Variants in ATG4A observed in about 807,000 individuals in gnomAD.
ATG4A encodes the protein cysteine protease ATG4A.
Under a neutral mutation model 38.4 loss-of-function variants are expected in ATG4A, and 22 were observed. The ratio of observed to expected loss-of-function variants is 0.57; its 90% CI spans 0.41 to 0.82. ATG4A has a LOEUF of 0.82. Ranked by LOEUF, ATG4A falls within the 40% of genes least tolerant of loss-of-function variation. The probability of loss-of-function intolerance (pLI) is 0.00; values close to 1 mark genes in which losing one functional copy is unlikely to be tolerated. For synonymous variants in ATG4A, 86 were observed against 100.7 expected (o/e 0.85, Z 0.88); for missense variants, 220 against 290.0 (o/e 0.76, Z 1.75).
chrX:108,135,389 C>T (rs1256689901), intron 6 of ATG4A, among the ~76,000 whole-genome samples: 3 of 112,234 alleles, frequency 2.7e-5, no homozygotes, highest in African/African-American at 9.7e-5. Context: ...GAACCTGTTC[C>T]ATGCAAAGTA....
intron 1 of ATG4A, among the ~76,000 whole-genome samples, chrX:108,100,093 T>A (rs536220947): frequency 4.4e-4 from 49 of 111,794 alleles, no homozygotes; most frequent in African/African-American, 1.5e-3. Context: ...ATGAGCACCA[T>A]ATGTCTCTCC....
intron 4 of ATG4A, among the ~76,000 whole-genome samples, chrX:108,133,337 T>G (rs990325599): frequency 8.9e-6 from 1 of 112,439 alleles, no homozygotes; most frequent in Non-Finnish European, 1.9e-5. Context: ...TTTGCAGTTG[T>G]CCTCAGCAAG....
intron 1 of ATG4A, among the ~76,000 whole-genome samples, chrX:108,092,492 G>A (rs2031662281): frequency 8.9e-6 from 1 of 112,135 alleles, no homozygotes; most frequent in African/African-American, 3.2e-5. Context: ...ACTAGGTAAC[G>A]ATAAGAATAC....
chrX:108,097,360 C>G (rs2031857172), intron 1 of ATG4A, among the ~76,000 whole-genome samples: 1 of 112,137 alleles, frequency 8.9e-6, no homozygotes, highest in Non-Finnish European at 1.9e-5. Context: ...GGTTGTAACT[C>G]TACCTGTGAT....
intron 3 of ATG4A, 148 bp downstream of exon 3, chrX:108,129,000 A>T: frequency 2.8e-6 from 1 of 352,285 alleles, no homozygotes; most frequent in Non-Finnish European, 4.8e-6. Flanking sequence ...CACTTCATCC[A>T]AAAGTTTCAT....
At chrX:108,114,789 A>G (rs901896008) in intron 1 of ATG4A, among the ~76,000 whole-genome samples, 32 of 47,931 alleles carry the variant, frequency 6.7e-4, no homozygotes, top group African/African-American at 2.1e-3. Context: ...GTTAAAATTA[A>G]GTGTCATTTT....
At chrX:108,124,598 T>C (rs915394128) in intron 1 of ATG4A, among the ~76,000 whole-genome samples, 8 of 110,654 alleles carry the variant, frequency 7.2e-5, no homozygotes, top group Non-Finnish European at 1.1e-4. Flanking sequence ...ACTACAGGCA[T>C]GCACCACCAT....
At chrX:108,125,450 T>G (rs1410403845) in intron 1 of ATG4A, among the ~76,000 whole-genome samples, 1 of 112,367 alleles carries the variant, frequency 8.9e-6, no homozygotes, top group Non-Finnish European at 1.9e-5. Flanking sequence ...AAATATATAT[T>G]TCTTATTATA....
chrX:108,115,419 C>T (rs768311032), intron 1 of ATG4A, among the ~76,000 whole-genome samples: 13 of 111,529 alleles, frequency 1.2e-4, no homozygotes, highest in Non-Finnish European at 1.9e-4. Context: ...CTTGCCTCCT[C>T]CCAGGTAATA....
chrX:108,152,013 G>A (rs2033601405), intron 11 of ATG4A, 155 bp downstream of exon 11: 1 of 520,646 alleles, frequency 1.9e-6, no homozygotes, highest in Admixed American at 3.8e-5. Flanking sequence ...CAGGTGTGGG[G>A]AATTGTGCAT....
At chrX:108,139,094 G>A (rs1259304836) in intron 9 of ATG4A, among the ~76,000 whole-genome samples, 2 of 111,201 alleles carry the variant, frequency 1.8e-5, no homozygotes, top group Non-Finnish European at 3.8e-5. Flanking sequence ...ACAAAGGAGA[G>A]CTACAGGAGT....
chrX:108,124,755 AT>A (rs368342460), intron 1 of ATG4A, among the ~76,000 whole-genome samples: 64 of 108,901 alleles, frequency 5.9e-4, no homozygotes, highest in East Asian at 4.8e-3. Flanking sequence ...GAACAGACTC[AT>A]TTTTTTTTTA....
intron 1 of ATG4A, among the ~76,000 whole-genome samples, chrX:108,119,464 C>CT (rs2032593092): frequency 8.9e-6 from 1 of 111,798 alleles, no homozygotes; most frequent in African/African-American, 3.3e-5. Flanking sequence ...TACACACAAA[C>CT]AAGTTTCATG....
chrX:108,121,516 C>T (rs767390744), intron 1 of ATG4A, among the ~76,000 whole-genome samples: 1 of 110,806 alleles, frequency 9.0e-6, no homozygotes, highest in Admixed American at 9.6e-5. Flanking sequence ...CCCTGCCCCA[C>T]CCTACACTCA....
intron 1 of ATG4A, among the ~76,000 whole-genome samples, chrX:108,111,672 A>G (rs1428122292): frequency 9.0e-6 from 1 of 111,192 alleles, no homozygotes; most frequent in Non-Finnish European, 1.9e-5. Context: ...CTCCTATAAC[A>G]CTTGCCTCTA....
intron 1 of ATG4A, among the ~76,000 whole-genome samples, chrX:108,108,368 A>T (rs2032250049): frequency 9.2e-6 from 1 of 108,431 alleles, no homozygotes; most frequent in Admixed American, 9.9e-5. Flanking sequence ...ATGTATATAT[A>T]TATATTTATT....
intron 9 of ATG4A, among the ~76,000 whole-genome samples, chrX:108,146,461 C>T (rs1282304630): frequency 1.8e-5 from 2 of 111,580 alleles, no homozygotes; most frequent in African/African-American, 6.5e-5. Flanking sequence ...TAGCTATGCC[C>T]ACCTTGCCTT....
chrX:108,111,185 G>A (rs749534102), intron 1 of ATG4A, among the ~76,000 whole-genome samples: 17 of 112,075 alleles, frequency 1.5e-4, no homozygotes, highest in Non-Finnish European at 3.0e-4. Flanking sequence ...ACAGGTGTGA[G>A]CCATCATGCC....
chrX:108,095,294 G>A (rs753798783), intron 1 of ATG4A, among the ~76,000 whole-genome samples: 14 of 111,052 alleles, frequency 1.3e-4, no homozygotes, highest in Admixed American at 2.8e-4. Flanking sequence ...GCACGATCAC[G>A]GCTCACTGCA....
Sources: gnomAD v4.1 joint callset for allele counts (sites outside exome capture counted in the v4.1 genomes callset) on GRCh38, gnomAD v4.1.1 for gene constraint, MANE v1.5 for transcripts, NCBI Gene and HGNC (gene_info 2026-07-23, HGNC 2026-07-21) for gene names.